PLEKHA5: variants seen among roughly 807,000 people sequenced by gnomAD.
PLEKHA5 encodes the protein pleckstrin homology domain-containing family A member 5.
Under a neutral mutation model 181.9 loss-of-function variants are expected in PLEKHA5, and 55 were observed. That is an observed-to-expected ratio of 0.30 (90% CI 0.24 to 0.38). PLEKHA5 has a LOEUF of 0.38. Ranked by LOEUF, PLEKHA5 falls within the 10% of genes least tolerant of loss-of-function variation. The pLI is 1.00. For missense variants in PLEKHA5, 1,432 were observed against 1,549.5 expected (o/e 0.92, Z 1.27); for synonymous variants, 535 against 529.4 (o/e 1.01, Z -0.15).
intron 24 of PLEKHA5, among the ~76,000 whole-genome samples, chr12:19,347,872 C>G (rs913908636): frequency 6.9e-6 from 1 of 144,628 alleles, no homozygotes; most frequent in Admixed American, 7.2e-5. Context: ...CTAAGAGGAA[C>G]AGAAATATTC....
rs1431619709 is a variant in PLEKHA5, at chr12:19,283,726, A to G, written c.1760A>G (p.His587Arg). 38 of 1,612,460 alleles carry G rather than the reference A, an allele frequency of 2.4e-5. No homozygotes were observed. The highest frequency in any genetic ancestry group is 3.1e-5 in the Non-Finnish European group (37 of 1,178,834). The stretch of plus-strand genomic sequence containing the variant: ...GGAGATGTGACAATAGACCGCAGAC[A>G]CAGGGCCCATCACCCTAAGGTAAAA... ...QRGDVTIDRR[H>R]RAHHPKHVYV... Residue 587 changes from histidine to arginine, a missense_variant, in exon 12 of 32, where the codon CAC becomes CGC. His to Arg is a conservative substitution (Grantham distance 29). Coordinates refer to ENST00000429027, the MANE Select transcript of PLEKHA5 (RefSeq NM_001256470.2).
chr12:19,283,224 G>T, intron 11 of PLEKHA5, 56 bp from the exon 12 acceptor site: 1 of 969,018 alleles, frequency 1.0e-6, no homozygotes, highest in South Asian at 1.8e-5. Flanking sequence ...CTCTAATTTA[G>T]AATTTGGAAA....
At chr12:19,171,460 A>C (rs912201367) in intron 3 of PLEKHA5, among the ~76,000 whole-genome samples, 2 of 152,318 alleles carry the variant, frequency 1.3e-5, no homozygotes, top group Non-Finnish European at 1.5e-5. Flanking sequence ...GGATTTATTT[A>C]TATTGATATA....
chr12:19,333,867 C>T (rs2093099776), intron 20 of PLEKHA5, among the ~76,000 whole-genome samples: 1 of 151,924 alleles, frequency 6.6e-6, no homozygotes, highest in African/African-American at 2.4e-5. Flanking sequence ...CCTCAGCCTC[C>T]CAGAGTGCTG....
chr12:19,299,575 C>T (rs954782079), intron 15 of PLEKHA5, among the ~76,000 whole-genome samples: 1 of 152,148 alleles, frequency 6.6e-6, no homozygotes, highest in African/African-American at 2.4e-5. Context: ...TTGGATATTC[C>T]TCATCTTAAT....
intron 7 of PLEKHA5, among the ~76,000 whole-genome samples, chr12:19,262,537 C>A (rs1247173277): frequency 6.6e-6 from 1 of 152,122 alleles, no homozygotes; most frequent in Non-Finnish European, 1.5e-5. Flanking sequence ...CCATGCCCAG[C>A]CAAGAATTTA....
At chr12:19,348,597 AT>A in intron 25 of PLEKHA5, 78 bp downstream of exon 25, 2 of 1,143,182 alleles carry the variant, frequency 1.7e-6, no homozygotes, top group Non-Finnish European at 1.2e-6. Context: ...AGTAAATTCC[AT>A]TTACATGTTG....
intron 6 of PLEKHA5, among the ~76,000 whole-genome samples, chr12:19,259,050 G>T (rs570086683): frequency 6.6e-6 from 1 of 151,978 alleles, no homozygotes; most frequent in Non-Finnish European, 1.5e-5. Flanking sequence ...TTACCAAGTA[G>T]CTTCTCTAAC....
chr12:19,375,497 G>A (rs1381681168), intron 31 of PLEKHA5, 34 bp from the exon 32 acceptor site: 2 of 152,532 alleles, frequency 1.3e-5, no homozygotes, highest in African/African-American at 4.8e-5. Flanking sequence ...AACGTTGCAG[G>A]TGTCAAAGTA....
rs534154680 is a variant in PLEKHA5 at position 19,252,137 on chromosome 12, A to C, written c.228-1803A>C. On this transcript the variant is annotated intron_variant, in intron 3 of 31. Coordinates refer to ENST00000429027, the MANE Select transcript of PLEKHA5 (RefSeq NM_001256470.2). ...TTAAAACTATCTATATCTTTATATT[A>C]ATACTGTTTCAATTTTATTTAATGG... Among the ~76,000 whole-genome samples, 7 of 152,302 alleles carry C rather than the reference A, an allele frequency of 4.6e-5. No individual in the cohort carries two copies. The South Asian group carries it at 1.4e-3, about 32-fold the overall frequency.
At chr12:19,327,482 A>T (rs1407140060) in intron 20 of PLEKHA5, among the ~76,000 whole-genome samples, 1 of 151,498 alleles carries the variant, frequency 6.6e-6, no homozygotes, top group African/African-American at 2.4e-5. Flanking sequence ...CTCCTTATAG[A>T]TTCTGGATAT....
chr12:19,311,641 TTTAGTA>T (rs1439686587), intron 15 of PLEKHA5, among the ~76,000 whole-genome samples: 14 of 152,210 alleles, frequency 9.2e-5, no homozygotes, highest in African/African-American at 3.4e-4. Context: ...CCACTCAAGT[TTTAGTA>T]TGAGATTGAA....
At chr12:19,183,533 A>T (rs2049086784) in intron 3 of PLEKHA5, among the ~76,000 whole-genome samples, 1 of 152,070 alleles carries the variant, frequency 6.6e-6, no homozygotes, top group African/African-American at 2.4e-5. Flanking sequence ...CTCAAACCAA[A>T]ATTCAGATTG....
chr12:19,358,297 G>C lies in PLEKHA5; in HGVS notation c.3208G>C (p.Glu1070Gln), dbSNP rs1369723287. ...TACTCGACCAAGGATGACTGTGGAA[G>C]AGCAAATGGAAAGAATAAGAAGACA... is the stretch of plus-strand genomic sequence containing the variant. ...ESTRPRMTVE[E>Q]QMERIRRHQQ... The change falls in exon 27 of 32, where the codon GAG (glutamate) becomes CAG (glutamine). Residue 1070 changes from glutamate to glutamine, a missense_variant. Physicochemically the swap from Glu to Gln is conservative, Grantham distance 29. This residue lies in a region of PLEKHA5 where 1,143 missense variants were observed against 1,168.4 expected (regional missense o/e 0.98). Transcript: ENST00000429027. The C allele has an allele frequency of 6.2e-7, 1 of 1,614,004 alleles. No individual in the cohort carries two copies. The highest frequency in any genetic ancestry group is 8.5e-7 in the Non-Finnish European group (1 of 1,179,920).
intron 3 of PLEKHA5, among the ~76,000 whole-genome samples, chr12:19,228,401 T>C (rs1408360735): frequency 6.6e-6 from 1 of 151,370 alleles, no homozygotes; most frequent in African/African-American, 2.4e-5. Flanking sequence ...CTATCCTTTA[T>C]AGGATTCAAA....
chr12:19,246,787 G>A lies in PLEKHA5; in HGVS notation c.228-7153G>A, dbSNP rs141056410. 1.1e-4 allele frequency among the ~76,000 whole-genome samples: 17 copies of A among 152,158 alleles called. No individual in the cohort carries two copies. In the East Asian group the frequency reaches 2.7e-3, roughly 24 times the overall value. On this transcript the variant is annotated intron_variant, in intron 3 of 31. Transcript: ENST00000429027. ...ATGGTTTTGGTCTTATTGGATAACA[G>A]GAATCTTAATACCAAATTTCTTTTG... is the stretch of plus-strand genomic sequence containing the variant.
chr12:19,266,046 A>ATT (rs2070253422), intron 8 of PLEKHA5, among the ~76,000 whole-genome samples, 196 bp downstream of exon 8: 1 of 152,168 alleles, frequency 6.6e-6, no homozygotes, highest in Non-Finnish European at 1.5e-5. Flanking sequence ...TTAGGGGTCA[A>ATT]GTGTCTTCAT....
chr12:19,185,615 T>C (rs913318714), intron 3 of PLEKHA5, among the ~76,000 whole-genome samples: 2 of 152,230 alleles, frequency 1.3e-5, no homozygotes, highest in African/African-American at 4.8e-5. Context: ...CCTGAACTTT[T>C]AAATTAATTG....
At chr12:19,211,601 G>T (rs2056917247) in intron 3 of PLEKHA5, among the ~76,000 whole-genome samples, 1 of 152,036 alleles carries the variant, frequency 6.6e-6, no homozygotes, top group East Asian at 1.9e-4. Flanking sequence ...CTCTAGAGCT[G>T]AAAGAAAATA....
Sources: gnomAD v4.1 joint callset for allele counts (sites outside exome capture counted in the v4.1 genomes callset) on GRCh38, gnomAD v4.1.1 for gene constraint, gnomAD v4.1.1 regional missense constraint, MANE v1.5 for transcripts, NCBI Gene and HGNC (gene_info 2026-07-23, HGNC 2026-07-21) for gene names.